Variants in MAPKBP1 observed in about 807,000 individuals in gnomAD.
MAPKBP1 encodes the protein mitogen-activated protein kinase-binding protein 1.
Under a neutral mutation model 170.5 loss-of-function variants are expected in MAPKBP1, and 71 were observed. The observed-to-expected ratio is 0.42, with a 90% confidence interval of 0.34 to 0.51. MAPKBP1 has a LOEUF of 0.51. MAPKBP1 is among the 20% of genes least tolerant of loss of function. The pLI is 0.06. For missense variants in MAPKBP1, 1,598 were observed against 1,933.0 expected (o/e 0.83, Z 3.25); for synonymous variants, 719 against 757.9 (o/e 0.95, Z 0.84).
intron 25 of MAPKBP1, 49 bp from the exon 26 acceptor site, chr15:41,822,176 G>A: frequency 1.9e-6 from 3 of 1,602,188 alleles, no homozygotes; most frequent in Non-Finnish European, 2.6e-6. Context: ...GGGAGGCTCT[G>A]GCAACAGATG....
At chr15:41,778,214 C>T (rs745582032) in intron 2 of MAPKBP1, among the ~76,000 whole-genome samples, 4 of 152,042 alleles carry the variant, frequency 2.6e-5, no homozygotes, top group African/African-American at 7.3e-5. Flanking sequence ...AAATATAGTG[C>T]GGGATAAACT....
At chr15:41,781,149 C>T (rs2064180030) in intron 2 of MAPKBP1, among the ~76,000 whole-genome samples, 1 of 151,144 alleles carries the variant, frequency 6.6e-6, no homozygotes, top group Non-Finnish European at 1.5e-5. Flanking sequence ...GATCTCAGCT[C>T]ACTGCAACCT....
intron 2 of MAPKBP1, among the ~76,000 whole-genome samples, chr15:41,796,605 T>TCCC (rs138592370): frequency 1.3e-5 from 2 of 150,978 alleles, no homozygotes; most frequent in African/African-American, 4.9e-5. Flanking sequence ...AAACTGCTTT[T>TCCC]CCCCCCCCTT....
intron 22 of MAPKBP1, among the ~76,000 whole-genome samples, chr15:41,820,325 C>T (rs1677562856): frequency 6.6e-6 from 1 of 152,098 alleles, no homozygotes. Context: ...TGTGAGGGGA[C>T]TTTGGGGCCC....
chr15:41,780,355 T>C (rs2064164674), intron 2 of MAPKBP1, among the ~76,000 whole-genome samples: 1 of 152,204 alleles, frequency 6.6e-6, no homozygotes, highest in Non-Finnish European at 1.5e-5. Context: ...CCTCTGAGTC[T>C]GAAGTTGGGC....
chr15:41,814,821 G>A, intron 10 of MAPKBP1, 82 bp downstream of exon 10: 1 of 1,507,126 alleles, frequency 6.6e-7, no homozygotes, highest in South Asian at 1.2e-5. Context: ...GGATCCCCAA[G>A]TATAATCTTA....
intron 4 of MAPKBP1, 103 bp downstream of exon 4, chr15:41,811,048 C>T: frequency 1.3e-6 from 2 of 1,545,518 alleles, no homozygotes; most frequent in Non-Finnish European, 8.9e-7. Flanking sequence ...CTGGTTGGGT[C>T]CTAAAGCCAG....
intron 2 of MAPKBP1, among the ~76,000 whole-genome samples, chr15:41,795,675 C>T (rs576735119): frequency 1.8e-4 from 27 of 152,288 alleles, no homozygotes; most frequent in South Asian, 2.1e-4. Context: ...GGTGCAATCT[C>T]GGTTCACTGT....
At chr15:41,788,207 C>G (rs1048947922) in intron 2 of MAPKBP1, among the ~76,000 whole-genome samples, 8 of 152,188 alleles carry the variant, frequency 5.3e-5, no homozygotes, top group African/African-American at 1.9e-4. Flanking sequence ...GCACCCGCCT[C>G]GGCCTCCCAG....
At chr15:41,811,338 A>G in intron 5 of MAPKBP1, 103 bp downstream of exon 5, 1 of 1,286,636 alleles carries the variant, frequency 7.8e-7, no homozygotes, top group South Asian at 1.2e-5. Context: ...CTTCTGAAAC[A>G]GACACCAAAT....
In MAPKBP1 at chr15:41,815,256, C is replaced by T. The variant is rs2064869901; in HGVS notation, c.1171-3C>T. On this transcript the variant is annotated splice_polypyrimidine_tract_variant and splice_region_variant and intron_variant, in intron 10 of 30. Transcript: ENST00000457542. ...TCTGATTGTGTTCCCTCGGCCTCTT[C>T]AGGTCTACCCCGAGGTGAAGGATAG... 3.7e-6 allele frequency: 6 copies of T among 1,614,046 alleles called. No homozygotes were observed. In the East Asian group the frequency reaches 1.3e-4, roughly 36 times the overall value.
At chr15:41,790,565 T>C (rs1046012565) in intron 2 of MAPKBP1, among the ~76,000 whole-genome samples, 9 of 152,232 alleles carry the variant, frequency 5.9e-5, no homozygotes, top group African/African-American at 1.9e-4. Flanking sequence ...CCTTAGAAAC[T>C]AAGGCTGTTT....
At chr15:41,801,558 CT>C (rs2064594161) in intron 3 of MAPKBP1, among the ~76,000 whole-genome samples, 2 of 152,110 alleles carry the variant, frequency 1.3e-5, no homozygotes, top group South Asian at 4.2e-4. Flanking sequence ...AAAAAGCTTC[CT>C]TTATCAGGCT....
chr15:41,805,927 G>C (rs571473987), intron 3 of MAPKBP1, among the ~76,000 whole-genome samples: 178 of 152,254 alleles, frequency 1.2e-3, no homozygotes, highest in African/African-American at 4.2e-3. Flanking sequence ...GAGCATCAAG[G>C]AGTCCTAAAT....
Position 41,815,663 on chromosome 15 carries a change from G to T in MAPKBP1, c.1357G>T (p.Ala453Ser). 6.2e-7 allele frequency: 1 copy of T among 1,614,030 alleles called. No individual in the cohort carries two copies. Among genetic ancestry groups the T allele is most frequent in the Non-Finnish European group, 8.5e-7 (1 of 1,179,950 alleles). The change falls in exon 12 of 31, where the codon GCC becomes TCC. Residue 453 changes from alanine (A) to serine (S), a missense_variant. Around this residue, in one of 6 missense-constraint regions of MAPKBP1, gnomAD observed 430 missense variants for 617.2 expected, o/e 0.70. Coordinates refer to ENST00000457542, the MANE Select transcript of MAPKBP1 (RefSeq NM_014994.3). ...CATCTATGTGGATGGGAACACCCAG[G>T]CCCTGCTGGACACAGAGCTGCCTGG... ...KIIYVDGNTQALLDTELPGGD... is the reference protein window; with the variant it reads ...KIIYVDGNTQSLLDTELPGGD...
chr15:41,821,061 C>T lies in MAPKBP1; in HGVS notation c.2711C>T (p.Thr904Ile). The T allele has an allele frequency of 6.2e-7, 1 of 1,613,932 alleles. No homozygotes were observed. Among genetic ancestry groups the T allele is most frequent in the Non-Finnish European group, 8.5e-7 (1 of 1,179,930 alleles). Residue 904 changes from threonine to isoleucine, a missense_variant, in exon 23 of 31, where the codon ACT becomes ATT. This residue lies in a region of MAPKBP1 where 942 missense variants were observed against 953.2 expected (regional missense o/e 0.99). Coordinates refer to ENST00000457542, the MANE Select transcript of MAPKBP1 (RefSeq NM_014994.3). ...CAGGAGGCCCTTGAGACTTCACTCA[C>T]TAGCCAGGTGAGCCTGCTTTCTCCC... ...HGQEALETSLTSQNEKPPRPQ... is the reference protein window; with the variant it reads ...HGQEALETSLISQNEKPPRPQ...
intron 3 of MAPKBP1, among the ~76,000 whole-genome samples, chr15:41,804,798 A>G (rs1023803632): frequency 1.3e-5 from 2 of 152,200 alleles, no homozygotes. Context: ...CAGTGCCCCT[A>G]ATCTGTTCCC....
chr15:41,815,517 T>G, intron 11 of MAPKBP1, 107 bp from the exon 12 acceptor site: 1 of 1,550,568 alleles, frequency 6.4e-7, no homozygotes, highest in Non-Finnish European at 8.8e-7. Context: ...CAGCCTTCAT[T>G]TGGCTGTGCT....
At position 41,821,984 on chromosome 15, in the gene MAPKBP1, C is replaced by G. The variant is rs760346670; in HGVS notation, c.2905C>G (p.Pro969Ala). ...MDTSEFQVQA[P>A]ARGTLGRVYP... ...TGACAGTGAGTTCCAAGTGCAGGCT[C>G]CAGCCCGGGGAACTCTGGGAAGAGT... The change falls in exon 25 of 31, where the codon CCA becomes GCA. Residue 969 changes from proline to alanine, a missense_variant. This residue lies in a region of MAPKBP1 where 942 missense variants were observed against 953.2 expected (regional missense o/e 0.99). Coordinates refer to ENST00000457542, the MANE Select transcript of MAPKBP1 (RefSeq NM_014994.3). 4.3e-6 allele frequency: 7 copies of G among 1,610,816 alleles called. No homozygotes were observed. Among genetic ancestry groups the G allele is most frequent in the Non-Finnish European group, 5.1e-6 (6 of 1,178,602 alleles).
Sources: allele counts gnomAD v4.1 joint callset (sites outside exome capture counted in the v4.1 genomes callset), GRCh38; gene constraint gnomAD v4.1.1; regional missense constraint gnomAD v4.1.1; transcripts MANE v1.5; gene names NCBI Gene and HGNC (gene_info 2026-07-23, HGNC 2026-07-21).